SLC39A6: variants seen among roughly 807,000 people sequenced by gnomAD.
SLC39A6 encodes the protein zinc transporter ZIP6.
Under a neutral mutation model 63.5 loss-of-function variants are expected in SLC39A6, and 51 were observed. The ratio of observed to expected loss-of-function variants is 0.80; its 90% CI spans 0.64 to 1.01. SLC39A6 has a LOEUF of 1.01. Among genes scored for constraint, SLC39A6 ranks in the 50% least tolerant of loss-of-function variants. SLC39A6 has a pLI of 0.00. For missense variants in SLC39A6, 805 were observed against 927.8 expected (o/e 0.87, Z 1.72); for synonymous variants, 318 against 324.7 (o/e 0.98, Z 0.22).
Position 36,116,788 on chromosome 18 carries a change from G to A in SLC39A6, c.1360-9C>T. 9 of 1,580,114 alleles carry A rather than the reference G, an allele frequency of 5.7e-6. No individual in the cohort carries two copies. Among genetic ancestry groups the A allele is most frequent in the Non-Finnish European group, 7.8e-6 (9 of 1,151,236 alleles). ...TCAGGTTTCTTCTGATTCTAAAATAGTGAGGGAAAACAATACTTTAAAACA... is the reference window on the plus strand; with the variant it reads ...TCAGGTTTCTTCTGATTCTAAAATAATGAGGGAAAACAATACTTTAAAACA... On this transcript the variant is annotated splice_polypyrimidine_tract_variant and intron_variant, in intron 5 of 9. Transcript: ENST00000269187.
chr18:36,122,265 A>G lies in SLC39A6; in HGVS notation c.1146T>C (p.His382=). ...DAFLHLLPHS[H]ASHHHSHSHE... Reference sequence around the variant, plus strand: ...GGCTATGACTATGGTGGTGACTTGCATGAGACTGAAGGCAAAATAATTTGT... The same window carrying G: ...GGCTATGACTATGGTGGTGACTTGCGTGAGACTGAAGGCAAAATAATTTGT... The change falls in exon 5 of 10, where the codon CAT becomes CAC. Residue 382 remains histidine (H), a synonymous_variant. Transcript: ENST00000269187. 1.9e-6 allele frequency: 3 copies of G among 1,605,644 alleles called. No individual in the cohort carries two copies. Among genetic ancestry groups the G allele is most frequent in the Admixed American group, 1.7e-5 (1 of 58,732 alleles).
At position 36,123,581 on chromosome 18, in the gene SLC39A6, C is replaced by T. The variant is rs2089411561; in HGVS notation, c.1054G>A (p.Val352Met). ...GVILVPLMNR[V>M]FFKFLLSFLV... ...AAACTCAGGAGAAATTTGAAAAACACCCGATTCATGAGAGGCACTAAGATA... is the reference window on the plus strand; with the variant it reads ...AAACTCAGGAGAAATTTGAAAAACATCCGATTCATGAGAGGCACTAAGATA... Residue 352 changes from valine to methionine, a missense_variant, in exon 4 of 10, where the codon GTG becomes ATG. Physicochemically the swap from Val to Met is conservative, Grantham distance 21. Around this residue, in one of 4 missense-constraint regions of SLC39A6, gnomAD observed 639 missense variants for 644.0 expected, o/e 0.99. Transcript: ENST00000269187. 6.2e-7 allele frequency: 1 copy of T among 1,613,512 alleles called. No homozygotes were observed. Among genetic ancestry groups the T allele is most frequent in the African/African-American group, 1.3e-5 (1 of 74,830 alleles).
In SLC39A6 at chr18:36,116,791, A is replaced by G. The variant is rs755589004; in HGVS notation, c.1360-12T>C. The stretch of plus-strand genomic sequence containing the variant: ...GGTTTCTTCTGATTCTAAAATAGTG[A>G]GGGAAAACAATACTTTAAAACAGTA... On this transcript the variant is annotated splice_polypyrimidine_tract_variant and intron_variant, in intron 5 of 9. Transcript: ENST00000269187. 1.7e-5 allele frequency: 26 copies of G among 1,567,510 alleles called. No individual in the cohort carries two copies. Among genetic ancestry groups the G allele is most frequent in the Non-Finnish European group, 2.1e-5 (24 of 1,140,292 alleles).
intron 1 of SLC39A6, among the ~76,000 whole-genome samples, chr18:36,128,159 G>A (rs1200705354): frequency 1.3e-5 from 2 of 152,200 alleles, no homozygotes; most frequent in African/African-American, 2.4e-5. Context: ...AGCTTGAAAA[G>A]CAGAATTCAG....
intron 6 of SLC39A6, among the ~76,000 whole-genome samples, chr18:36,116,369 A>G (rs946321312): frequency 3.3e-5 from 5 of 152,212 alleles, no homozygotes. Flanking sequence ...GTGTGTAGAC[A>G]GAGCTAGAGA....
chr18:36,116,858 C>G, intron 5 of SLC39A6, 79 bp from the exon 6 acceptor site: 1 of 917,320 alleles, frequency 1.1e-6, no homozygotes, highest in Non-Finnish European at 1.7e-6. Context: ...ACCAGGTAAG[C>G]AAAACACACA....
intron 7 of SLC39A6, among the ~76,000 whole-genome samples, chr18:36,113,286 A>G (rs1434390124): frequency 6.6e-6 from 1 of 151,252 alleles, no homozygotes; most frequent in Non-Finnish European, 1.5e-5. Context: ...ATTTGTAGAG[A>G]TAAGGTCTCA....
intron 6 of SLC39A6, among the ~76,000 whole-genome samples, chr18:36,115,020 A>G (rs1167583306): frequency 6.6e-6 from 1 of 152,204 alleles, no homozygotes. Context: ...AATTGCCACA[A>G]TAAGGTTATT....
At chr18:36,126,092 T>C in intron 2 of SLC39A6, 127 bp downstream of exon 2, 1 of 951,716 alleles carries the variant, frequency 1.1e-6, no homozygotes. Context: ...GCTGAGAAGG[T>C]GGAAATTCCC....
chr18:36,116,964 C>T (rs1428827933), intron 5 of SLC39A6, among the ~76,000 whole-genome samples, 185 bp from the exon 6 acceptor site: 3 of 152,302 alleles, frequency 2.0e-5, no homozygotes, highest in African/African-American at 2.4e-5. Context: ...CCCGGCCAGG[C>T]GCGGCGGCTC....
At position 36,124,507 on chromosome 18, in the gene SLC39A6, A is replaced by C; in HGVS notation, c.970+13T>G. The C allele has an allele frequency of 6.7e-7, 1 of 1,503,308 alleles. No individual in the cohort carries two copies. Among genetic ancestry groups the C allele is most frequent in the Non-Finnish European group, 9.0e-7 (1 of 1,106,248 alleles). 93.1% of individuals were successfully genotyped at this position (1,503,308 alleles called of 1,614,324 possible). On this transcript the variant is annotated intron_variant, in intron 3 of 9. Coordinates refer to ENST00000269187, the MANE Select transcript of SLC39A6 (RefSeq NM_012319.4). ...CTACTGAAATTGTTTTTACATAAAA[A>C]AGGCAATTTTACCTATTTGTAATGA...
chr18:36,114,521 A>G, intron 6 of SLC39A6, 47 bp from the exon 7 acceptor site: 1 of 1,466,868 alleles, frequency 6.8e-7, no homozygotes, highest in Non-Finnish European at 9.2e-7. Flanking sequence ...AGGCTTTGTT[A>G]ATGGACTTGG....
intron 4 of SLC39A6, among the ~76,000 whole-genome samples, chr18:36,122,812 C>T (rs554545701): frequency 6.6e-6 from 1 of 152,298 alleles, no homozygotes; most frequent in South Asian, 2.1e-4. Flanking sequence ...CCCATACACA[C>T]GCCACTTTCT....
rs759961085 is a variant in SLC39A6, at chr18:36,111,215, G to A, written c.1959C>T (p.Thr653=). 69 of 1,613,946 alleles carry A rather than the reference G, an allele frequency of 4.3e-5. No individual in the cohort carries two copies. In the East Asian group the frequency reaches 4.7e-4, roughly 11 times the overall value. The change falls in exon 9 of 10, where the codon ACC becomes ACT. Residue 653 remains threonine, a synonymous_variant. Transcript: ENST00000269187. Reference sequence around the variant, plus strand: ...CATTATAAAGGACAGCCTGCTTAACGGTCATGCCAGCCTTTAGTAGAACAG... The same window carrying A: ...CATTATAAAGGACAGCCTGCTTAACAGTCATGCCAGCCTTTAGTAGAACAG... ...DFAVLLKAGM[T]VKQAVLYNAL...
chr18:36,112,431 C>A (rs2144497989), intron 8 of SLC39A6, 70 bp downstream of exon 8: 1 of 1,115,510 alleles, frequency 9.0e-7, no homozygotes, highest in Non-Finnish European at 1.4e-6. Flanking sequence ...GCTGAACTAC[C>A]ATTAGCAAAA....
chr18:36,116,804 C>G (rs762678376), intron 5 of SLC39A6, 25 bp from the exon 6 acceptor site: 233 of 1,517,764 alleles, frequency 1.5e-4, no homozygotes, highest in Non-Finnish European at 2.0e-4. Flanking sequence ...GAAAACAATA[C>G]TTTAAAACAG....
At chr18:36,113,567 T>C (rs1284521915) in intron 7 of SLC39A6, among the ~76,000 whole-genome samples, 3 of 152,228 alleles carry the variant, frequency 2.0e-5, no homozygotes, top group African/African-American at 7.2e-5. Context: ...CCTAATTGCA[T>C]GGTTCCTTCC....
chr18:36,123,810 G>C, intron 3 of SLC39A6, 146 bp from the exon 4 acceptor site: 1 of 699,622 alleles, frequency 1.4e-6, no homozygotes, highest in Non-Finnish European at 2.2e-6. Context: ...ACCTACTGTG[G>C]CAATAGCACA....
Position 36,126,053 on chromosome 18 carries a change from T to C in SLC39A6, c.789+166A>G, listed in dbSNP as rs117104634. Among the ~76,000 whole-genome samples, 1,280 of 152,374 alleles carry C rather than the reference T, an allele frequency of 8.4e-3. 13 individuals are homozygous for C. Among genetic ancestry groups the C allele is most frequent in the Non-Finnish European group, 0.013 (901 of 68,036 alleles). On this transcript the variant is annotated intron_variant, in intron 2 of 9. Transcript: ENST00000269187. Reference sequence around the variant, plus strand: ...TTCTGAATTGGGAATGTTTACAACATAGCAGGCATGCTTTGTGGCAAGTGC... The same window carrying C: ...TTCTGAATTGGGAATGTTTACAACACAGCAGGCATGCTTTGTGGCAAGTGC...
Sources: allele counts gnomAD v4.1 joint callset (sites outside exome capture counted in the v4.1 genomes callset), GRCh38; gene constraint gnomAD v4.1.1; regional missense constraint gnomAD v4.1.1; transcripts MANE v1.5; gene names NCBI Gene and HGNC (gene_info 2026-07-23, HGNC 2026-07-21).